NSD2: variants seen among roughly 807,000 people sequenced by gnomAD.
NSD2 encodes histone-lysine N-methyltransferase NSD2.
A neutral mutation model predicts 139.0 loss-of-function variants in NSD2; 12 were observed. The observed-to-expected ratio is 0.09, with a 90% CI of 0.06 to 0.14. NSD2 has a LOEUF of 0.14. Among genes scored for constraint, NSD2 ranks in the 10% least tolerant of loss-of-function variants. The probability of loss-of-function intolerance (pLI) is 1.00; values close to 1 mark genes in which losing one functional copy is unlikely to be tolerated. For missense variants in NSD2, 1,155 were observed against 1,745.0 expected, an observed-to-expected ratio of 0.66 and a Z score of 6.02; for synonymous variants, 669 against 648.7, an observed-to-expected ratio of 1.03 and a Z score of -0.48.
At chr4:1,962,696 A>T (rs1377811725) in intron 18 of NSD2, among the ~76,000 whole-genome samples, 1 of 151,946 alleles carries the variant, frequency 6.6e-6, no homozygotes, top group Non-Finnish European at 1.5e-5. Flanking sequence ...CTTTTTTGAG[A>T]CAGGGTCTCT....
chr4:1,886,598 G>T (rs187652386), intron 1 of NSD2, among the ~76,000 whole-genome samples: 1 of 152,232 alleles, frequency 6.6e-6, no homozygotes, highest in Non-Finnish European at 1.5e-5. Flanking sequence ...TTGGGAGGCC[G>T]AGGCGGGCAG....
chr4:1,910,923 C>T (rs1188918367), intron 3 of NSD2, among the ~76,000 whole-genome samples: 2 of 152,122 alleles, frequency 1.3e-5, no homozygotes, highest in South Asian at 2.1e-4. Flanking sequence ...GGTCTCATGT[C>T]GTTGTGACTT....
rs1577537810 is a variant in NSD2, at chr4:1,955,693, G to A, written c.2519G>A (p.Gly840Glu). The change falls in exon 14 of 22, where the codon GGG (glycine) becomes GAG (glutamate). Residue 840 changes from glycine to glutamate, a missense_variant and splice_region_variant. Coordinates refer to ENST00000508803, the MANE Select transcript of NSD2 (RefSeq NM_001042424.3). The surrounding 1 kb of genome is among the most constrained non-coding windows in gnomAD (Gnocchi z 4.7). Reference protein sequence around the residue: ...NVSWCFVCSKGGSLLCCESCP... With the variant: ...NVSWCFVCSKEGSLLCCESCP... Reference sequence around the variant, plus strand: ...TGGCCGCCTCGCCCTCCTCTTGCAGGGGGGAGCCTTCTGTGCTGTGAGTCC... The same window carrying A: ...TGGCCGCCTCGCCCTCCTCTTGCAGAGGGGAGCCTTCTGTGCTGTGAGTCC... 1 of 1,611,648 alleles carries A rather than the reference G, an allele frequency of 6.2e-7. No homozygotes were observed. Among genetic ancestry groups the A allele is most frequent in the African/African-American group, 1.3e-5 (1 of 74,890 alleles).
chr4:1,902,155 A>ATT (rs1717271190), intron 2 of NSD2, among the ~76,000 whole-genome samples: 1 of 152,192 alleles, frequency 6.6e-6, no homozygotes, highest in South Asian at 2.1e-4. Flanking sequence ...AGGGTTAAAA[A>ATT]AACGTTTTTT....
chr4:1,976,281 C>T lies in NSD2; in HGVS notation c.3622-194C>T. The T allele has an allele frequency of 1.6e-6, 1 of 624,390 alleles. No individual in the cohort carries two copies. Among genetic ancestry groups the T allele is most frequent in the South Asian group, 2.0e-5 (1 of 49,968 alleles). The allele number at this position is 624,390 out of a possible 1,614,324, so 38.7% of individuals were successfully genotyped here. A position where few individuals can be genotyped will look rare whatever the true frequency, so the allele number is the denominator to read the frequency against. ...GCTCACTCTAGTCGTAGTCTTTGTT[C>T]AGCTTTTTCACGCTGAGTCGAGTGA... On this transcript the variant is annotated intron_variant, in intron 20 of 21. Transcript: ENST00000508803. This position sits in a 1 kb window ranked among gnomAD's most constrained non-coding sequence, Gnocchi z 5.3.
chr4:1,882,442 A>AT (rs1714770493), intron 1 of NSD2, among the ~76,000 whole-genome samples: 2 of 152,122 alleles, frequency 1.3e-5, no homozygotes, highest in African/African-American at 2.4e-5. Context: ...AGGCGGGTGG[A>AT]CACGAGGTCA....
chr4:1,889,959 A>G (rs1017440894), intron 1 of NSD2, among the ~76,000 whole-genome samples: 1 of 152,146 alleles, frequency 6.6e-6, no homozygotes, highest in Admixed American at 6.6e-5. Flanking sequence ...GCTCAGTAAA[A>G]AACTCTGCAC....
chr4:1,932,903 G>A (rs1721836065), intron 6 of NSD2, among the ~76,000 whole-genome samples: 1 of 152,240 alleles, frequency 6.6e-6, no homozygotes, highest in African/African-American at 2.4e-5. Flanking sequence ...AAAGCGAGGC[G>A]CGGGGCTGGC....
At chr4:1,952,252 A>G (rs759831523) in intron 11 of NSD2, 21 bp downstream of exon 11, 20 of 1,612,098 alleles carry the variant, frequency 1.2e-5, no homozygotes, top group Middle Eastern at 1.9e-4. Flanking sequence ...ACGGGCGGGC[A>G]GCTCTGCAGC....
At position 1,974,384 on chromosome 4, in the gene NSD2, T is replaced by TG. The variant is rs367695251; in HGVS notation, c.3373-479_3373-478insG. ...CACCACCACGCCCAGCTAATTTTTT[T>TG]TGTATTTTTAGTAGAGATGGGGGTT... On this transcript the variant is annotated intron_variant, in intron 18 of 21. Transcript: ENST00000508803. This position sits in a 1 kb window ranked among gnomAD's most constrained non-coding sequence, Gnocchi z 4.0. 8.3e-3 allele frequency among the ~76,000 whole-genome samples: 1,270 copies of TG among 152,264 alleles called. 15 individuals carry two copies. The highest frequency in any genetic ancestry group is 0.03 in the African/African-American group (1,228 of 41,554).
chr4:1,888,518 A>G (rs1715288424), intron 1 of NSD2, among the ~76,000 whole-genome samples: 1 of 148,094 alleles, frequency 6.8e-6, no homozygotes, highest in Non-Finnish European at 1.5e-5. Flanking sequence ...GTTGGTAATG[A>G]TTTTTTCCTC....
At chr4:1,897,015 A>G (rs1716438345) in intron 1 of NSD2, among the ~76,000 whole-genome samples, 1 of 151,596 alleles carries the variant, frequency 6.6e-6, no homozygotes, top group South Asian at 2.1e-4. Context: ...AAAACACAAA[A>G]ATTAGCTGGG....
chr4:1,908,751 G>A (rs983829754), intron 3 of NSD2, among the ~76,000 whole-genome samples: 1 of 152,134 alleles, frequency 6.6e-6, no homozygotes, highest in African/African-American at 2.4e-5. Context: ...GGCTGTGCTT[G>A]TAGTCTGTCC....
chr4:1,948,355 G>A lies in NSD2; in HGVS notation c.1882-2717G>A, dbSNP rs561704737. 7.2e-5 allele frequency: 77 copies of A among 1,065,660 alleles called. 1 individual carries two copies. The African/African-American group carries it at 9.7e-4, about 13-fold the overall frequency. The allele number at this position is 1,065,660 out of a possible 1,614,324, so 66.0% of individuals were successfully genotyped here. ...TGAGATTTGGGACTATGTTGGGACC[G>A]TACAGGTGAATGTGCCACCTCCACA... On this transcript the variant is annotated intron_variant, in intron 9 of 21. Transcript: ENST00000508803. This position sits in a 1 kb window ranked among gnomAD's most constrained non-coding sequence, Gnocchi z 4.5.
chr4:1,946,236 T>C lies in NSD2; in HGVS notation c.1882-4836T>C, dbSNP rs1031556780. The stretch of plus-strand genomic sequence containing the variant: ...TTATTGGCTTCTTAACTTCTAAAAT[T>C]TGGGGGGTCTTGCATTTATTTATTA... On this transcript the variant is annotated intron_variant, in intron 9 of 21. Transcript: ENST00000508803. The C allele has an allele frequency of 1.2e-5, 12 of 1,006,666 alleles. No homozygotes were observed. The East Asian group carries it at 6.1e-4, about 52-fold the overall frequency. 62.4% of individuals were successfully genotyped at this position (1,006,666 alleles called of 1,614,324 possible).
chr4:1,971,268 T>C (rs529488928), intron 18 of NSD2, among the ~76,000 whole-genome samples: 1 of 152,206 alleles, frequency 6.6e-6, no homozygotes, highest in African/African-American at 2.4e-5. Context: ...CAAGGCAGAA[T>C]TCAGGCCCTA....
chr4:1,953,793 C>CTT (rs113712964), intron 12 of NSD2, among the ~76,000 whole-genome samples: 1 of 145,378 alleles, frequency 6.9e-6, no homozygotes. Flanking sequence ...TTTACCCTGG[C>CTT]TTTTTTTTTT....
intron 3 of NSD2, among the ~76,000 whole-genome samples, chr4:1,909,444 G>T (rs1372628277): frequency 2.6e-5 from 4 of 152,128 alleles, no homozygotes; most frequent in Admixed American, 6.5e-5. Context: ...TCCAAGTGGA[G>T]CTCTTGGGTC....
intron 7 of NSD2, among the ~76,000 whole-genome samples, chr4:1,936,092 A>G (rs1275521290): frequency 2.0e-5 from 3 of 152,236 alleles, no homozygotes; most frequent in African/African-American, 7.2e-5. Flanking sequence ...GGAAAAGTGC[A>G]GCATAGATAC....
Sources: allele counts gnomAD v4.1 joint callset (sites outside exome capture counted in the v4.1 genomes callset), GRCh38; gene constraint gnomAD v4.1.1; non-coding constraint Gnocchi (gnomAD v3.1); transcripts MANE v1.5; gene names NCBI Gene and HGNC (gene_info 2026-07-23, HGNC 2026-07-21).